The following ADGRL3 variants were observed in gnomAD, a reference collection of about 807,000 sequenced individuals.
The protein encoded by ADGRL3 is calcium-independent alpha-latrotoxin receptor 3.
In ADGRL3, 62 loss-of-function variants were observed where a neutral mutation model predicts 153.5. That is an observed-to-expected ratio of 0.40 (90% CI 0.33 to 0.50). ADGRL3 has a LOEUF of 0.50. ADGRL3 is among the 20% of genes least tolerant of loss of function. The pLI is 0.47. For missense variants in ADGRL3, 1,641 were observed against 1,859.4 expected (o/e 0.88, Z 2.16); for synonymous variants, 710 against 672.5 (o/e 1.06, Z -0.86).
chr4:61,697,200 G>T (rs753482662), intron 6 of ADGRL3, among the ~76,000 whole-genome samples: 11 of 151,900 alleles, frequency 7.2e-5, no homozygotes, highest in Non-Finnish European at 1.5e-4. Context: ...ATGATGGATG[G>T]GTAAAATCCA....
intron 4 of ADGRL3, among the ~76,000 whole-genome samples, chr4:61,541,002 G>A (rs1320189890): frequency 6.6e-6 from 1 of 152,176 alleles, no homozygotes. Flanking sequence ...ATGATCAGCT[G>A]AGCTGAGGAG....
At chr4:61,750,197 A>C (rs200545836) in intron 8 of ADGRL3, among the ~76,000 whole-genome samples, 12,986 of 150,792 alleles carry the variant, frequency 0.086, 1,261 homozygotes, top group African/African-American at 0.23. Context: ...AAAAAAAAAA[A>C]AAAAAAAAAA....
intron 8 of ADGRL3, among the ~76,000 whole-genome samples, chr4:61,739,678 T>C (rs1156725872): frequency 6.6e-6 from 1 of 152,206 alleles, no homozygotes; most frequent in Admixed American, 6.5e-5. Context: ...ATCTTCACTG[T>C]CAGCACATGG....
At chr4:61,402,523 T>G (rs2096941869) in intron 2 of ADGRL3, among the ~76,000 whole-genome samples, 1 of 152,108 alleles carries the variant, frequency 6.6e-6, no homozygotes, top group Non-Finnish European at 1.5e-5. Context: ...GTTAATAAAG[T>G]GGTTGGAGCA....
At chr4:61,765,655 G>A (rs547994216) in intron 8 of ADGRL3, among the ~76,000 whole-genome samples, 1 of 152,252 alleles carries the variant, frequency 6.6e-6, no homozygotes, top group South Asian at 2.1e-4. Context: ...GGGAATAAAT[G>A]ACTGCGGTGG....
At chr4:62,043,874 T>C (rs1188575333) in intron 24 of ADGRL3, among the ~76,000 whole-genome samples, 1 of 152,056 alleles carries the variant, frequency 6.6e-6, no homozygotes, top group Non-Finnish European at 1.5e-5. Flanking sequence ...TTTATCTTCT[T>C]CAAAGAAAGA....
chr4:61,953,752 G>A (rs539796562), intron 17 of ADGRL3, among the ~76,000 whole-genome samples: 1 of 152,276 alleles, frequency 6.6e-6, no homozygotes, highest in African/African-American at 2.4e-5. Flanking sequence ...GTGTGACCCA[G>A]GAGTCCTCAG....
chr4:62,052,438 G>A (rs564276470), intron 25 of ADGRL3, among the ~76,000 whole-genome samples: 2 of 151,272 alleles, frequency 1.3e-5, no homozygotes, highest in Admixed American at 6.6e-5. Flanking sequence ...TTTTTTTAGA[G>A]TGGATTCTTC....
chr4:61,683,266 C>A (rs1485130204), intron 6 of ADGRL3, among the ~76,000 whole-genome samples: 2 of 152,060 alleles, frequency 1.3e-5, no homozygotes, highest in East Asian at 1.9e-4. Context: ...GCACATGCCA[C>A]CACACCCAAC....
chr4:61,404,020 G>A (rs1340803538), intron 2 of ADGRL3, among the ~76,000 whole-genome samples: 3 of 151,864 alleles, frequency 2.0e-5, no homozygotes, highest in African/African-American at 7.3e-5. Flanking sequence ...TGGGGTTTAG[G>A]GCTTCAATAT....
chr4:61,470,412 A>G (rs1009412427), intron 2 of ADGRL3, among the ~76,000 whole-genome samples: 9 of 151,952 alleles, frequency 5.9e-5, no homozygotes, highest in Admixed American at 1.3e-4. Context: ...ACAGATAGAC[A>G]CTGCCTTTTT....
In ADGRL3 at chr4:62,075,448, A is replaced by G. The variant is rs570108898; in HGVS notation, c.*4540A>G. 2.0e-5 allele frequency: 3 copies of G among 152,228 alleles called. No homozygotes were observed. The highest frequency in any genetic ancestry group is 2.0e-4 in the Admixed American group (3 of 15,260). The allele number at this position is 152,228 out of a possible 1,614,324, so 9.4% of individuals were successfully genotyped here. On this transcript the variant is annotated 3_prime_UTR_variant, in exon 27 of 27. Coordinates refer to ENST00000683033, the MANE Select transcript of ADGRL3 (RefSeq NM_001387552.1). ...GTAAAAAACAAAAACCCAAAGTCCAACTATTTAGTTTTGAGCAAATCTGAA... is the reference window on the plus strand; with the variant it reads ...GTAAAAAACAAAAACCCAAAGTCCAGCTATTTAGTTTTGAGCAAATCTGAA...
chr4:61,452,769 A>G (rs1304413136), intron 2 of ADGRL3, among the ~76,000 whole-genome samples: 2 of 152,184 alleles, frequency 1.3e-5, no homozygotes, highest in African/African-American at 4.8e-5. Context: ...CTCATGATTT[A>G]CTTTCTTTAG....
intron 8 of ADGRL3, among the ~76,000 whole-genome samples, chr4:61,804,043 G>A (rs1176779316): frequency 6.6e-6 from 1 of 152,082 alleles, no homozygotes; most frequent in Non-Finnish European, 1.5e-5. Flanking sequence ...AGCACACAGA[G>A]GGGAGTTGTC....
intron 15 of ADGRL3, among the ~76,000 whole-genome samples, chr4:61,938,152 A>T (rs1422674466): frequency 2.0e-5 from 3 of 152,200 alleles, no homozygotes; most frequent in Admixed American, 6.5e-5. Context: ...CTGGTAACTC[A>T]CGGTGGGATG....
chr4:61,501,485 T>A (rs1273719868), intron 3 of ADGRL3, among the ~76,000 whole-genome samples: 1 of 152,212 alleles, frequency 6.6e-6, no homozygotes, highest in Non-Finnish European at 1.5e-5. Flanking sequence ...TTACTGTTAT[T>A]CTAACCCTGA....
At chr4:61,497,434 C>A (rs1579186497) in intron 3 of ADGRL3, 86 bp downstream of exon 3, 1 of 765,232 alleles carries the variant, frequency 1.3e-6, no homozygotes, top group Non-Finnish European at 2.1e-6. Context: ...TTCTCTGAGA[C>A]TGCTTTGTAG....
At chr4:62,011,565 G>A (rs1027973293) in intron 21 of ADGRL3, among the ~76,000 whole-genome samples, 4 of 152,102 alleles carry the variant, frequency 2.6e-5, no homozygotes, top group African/African-American at 9.7e-5. Flanking sequence ...TTTCAGAGGA[G>A]AAGGGTGAGG....
At chr4:61,960,578 A>G (rs986270576) in intron 17 of ADGRL3, among the ~76,000 whole-genome samples, 1 of 152,224 alleles carries the variant, frequency 6.6e-6, no homozygotes, top group East Asian at 1.9e-4. Flanking sequence ...AATACATAAC[A>G]TATTTAATGT....
Sources: allele counts gnomAD v4.1 joint callset (sites outside exome capture counted in the v4.1 genomes callset), GRCh38; gene constraint gnomAD v4.1.1; transcripts MANE v1.5; gene names NCBI Gene and HGNC (gene_info 2026-07-23, HGNC 2026-07-21).